The following ATP2C1 variants were observed in gnomAD, a reference collection of about 807,000 sequenced individuals.
ATP2C1 encodes the protein calcium-transporting ATPase type 2C member 1.
Under a neutral mutation model 120.5 loss-of-function variants are expected in ATP2C1, and 31 were observed. The observed-to-expected ratio is 0.26, with a 90% CI of 0.19 to 0.35. ATP2C1 has a LOEUF of 0.35. Among genes scored for constraint, ATP2C1 ranks in the 10% least tolerant of loss-of-function variants. The pLI is 1.00. For synonymous variants in ATP2C1, 351 were observed against 358.7 expected, an observed-to-expected ratio of 0.98 and a Z score of 0.24; for missense variants, 731 against 1,107.5, an observed-to-expected ratio of 0.66 and a Z score of 4.83.
intron 17 of ATP2C1, among the ~76,000 whole-genome samples, chr3:130,974,443 A>T (rs189035397): frequency 5.3e-5 from 8 of 152,318 alleles, no homozygotes; most frequent in Admixed American, 3.3e-4. Context: ...TTCCATTTGG[A>T]AGTGACACAA....
chr3:130,994,786 C>T (rs1274707410), intron 22 of ATP2C1, among the ~76,000 whole-genome samples: 1 of 152,114 alleles, frequency 6.6e-6, no homozygotes, highest in African/African-American at 2.4e-5. Flanking sequence ...TTAGGACTCA[C>T]AGTATTTGCC....
intron 8 of ATP2C1, among the ~76,000 whole-genome samples, chr3:130,944,701 G>A (rs2060063741): frequency 1.3e-5 from 2 of 152,140 alleles, no homozygotes; most frequent in African/African-American, 4.8e-5. Flanking sequence ...ACTTTTTAAA[G>A]ACTAATATTA....
At chr3:130,981,142 C>A (rs1023306914) in intron 20 of ATP2C1, among the ~76,000 whole-genome samples, 1 of 152,134 alleles carries the variant, frequency 6.6e-6, no homozygotes, top group Non-Finnish European at 1.5e-5. Context: ...CCACCACAAT[C>A]AAGATATAGA....
At chr3:130,914,566 G>A (rs1392190790) in intron 2 of ATP2C1, 1 of 152,142 alleles carries the variant, frequency 6.6e-6, no homozygotes, top group Non-Finnish European at 1.5e-5. Flanking sequence ...TCTTTTTTGG[G>A]GGGCAAGGAA....
At chr3:130,872,222 TG>T (rs775653050) in intron 1 of ATP2C1, among the ~76,000 whole-genome samples, 3 of 152,216 alleles carry the variant, frequency 2.0e-5, no homozygotes, top group Non-Finnish European at 2.9e-5. Flanking sequence ...AAAGCCATTA[TG>T]AGGTCTTAAT....
chr3:130,972,339 A>C (rs540972658), intron 17 of ATP2C1, among the ~76,000 whole-genome samples: 1 of 152,152 alleles, frequency 6.6e-6, no homozygotes, highest in South Asian at 2.1e-4. Flanking sequence ...GGCACCTTTG[A>C]GCTAAGCTCT....
intron 1 of ATP2C1, among the ~76,000 whole-genome samples, chr3:130,882,561 T>G (rs1312347310): frequency 6.6e-6 from 1 of 152,210 alleles, no homozygotes; most frequent in African/African-American, 2.4e-5. Flanking sequence ...GTTTTAATCA[T>G]GAACAGATGT....
chr3:130,934,571 G>A (rs750648361), intron 4 of ATP2C1, 51 bp from the exon 5 acceptor site: 4 of 1,180,610 alleles, frequency 3.4e-6, no homozygotes, highest in South Asian at 2.4e-5. Flanking sequence ...TTTGCTGAGA[G>A]AACTGTCATG....
rs200944484 is a variant in ATP2C1 at position 130,940,709 on chromosome 3, G to T, written c.422+18G>T. On this transcript the variant is annotated intron_variant, in intron 7 of 27. Coordinates refer to ENST00000510168, the MANE Select transcript of ATP2C1 (RefSeq NM_001378687.1). ...TGCCATTGGTATGATCCTTTTTTTG[G>T]TATGGATTTCTGCCCCTTTAAAAAT... 6.3e-7 allele frequency: 1 copy of T among 1,593,682 alleles called. No individual in the cohort carries two copies. The highest frequency in any genetic ancestry group is 1.7e-5 in the Admixed American group (1 of 59,944).
At chr3:130,979,140 A>C in intron 18 of ATP2C1, 109 bp from the exon 19 acceptor site, 1 of 1,020,498 alleles carries the variant, frequency 9.8e-7, no homozygotes, top group Non-Finnish European at 1.5e-6. Flanking sequence ...TTATAGTCTT[A>C]AGTGATTTAT....
At chr3:130,948,173 T>G (rs1225918583) in intron 8 of ATP2C1, among the ~76,000 whole-genome samples, 1 of 152,190 alleles carries the variant, frequency 6.6e-6, no homozygotes, top group Non-Finnish European at 1.5e-5. Flanking sequence ...TCATATGGCT[T>G]TGAGTTACTT....
At chr3:130,930,662 A>G in intron 3 of ATP2C1, 136 bp downstream of exon 3, 1 of 712,838 alleles carries the variant, frequency 1.4e-6, no homozygotes, top group Non-Finnish European at 2.6e-6. Context: ...TAGTAGCCAC[A>G]AGTTGAACAG....
At chr3:130,965,902 GATAA>G (rs1200300756) in intron 14 of ATP2C1, among the ~76,000 whole-genome samples, 5 of 151,864 alleles carry the variant, frequency 3.3e-5, no homozygotes, top group Non-Finnish European at 5.9e-5. Context: ...ATAAATACTC[GATAA>G]ATGAATGAAT....
At chr3:130,973,717 C>T (rs1286022212) in intron 17 of ATP2C1, among the ~76,000 whole-genome samples, 1 of 152,046 alleles carries the variant, frequency 6.6e-6, no homozygotes, top group Non-Finnish European at 1.5e-5. Context: ...ACAGAAACTG[C>T]AGGAAATTAA....
chr3:130,954,034 A>G, intron 9 of ATP2C1, 58 bp downstream of exon 9: 5 of 1,588,636 alleles, frequency 3.1e-6, no homozygotes, highest in Admixed American at 1.7e-5. Flanking sequence ...TATTTTCTCA[A>G]TTATTTTTTG....
chr3:130,981,983 A>G (rs2061786181), intron 20 of ATP2C1, among the ~76,000 whole-genome samples: 1 of 152,130 alleles, frequency 6.6e-6, no homozygotes, highest in Non-Finnish European at 1.5e-5. Flanking sequence ...GTTTCTTTCC[A>G]GTTGGTAGTG....
intron 2 of ATP2C1, among the ~76,000 whole-genome samples, chr3:130,904,354 T>C (rs1408148688): frequency 1.3e-5 from 2 of 152,108 alleles, no homozygotes; most frequent in Non-Finnish European, 2.9e-5. Context: ...GTCTTTTTTT[T>C]CTCTCATCTT....
chr3:130,880,353 C>G (rs1426567314), intron 1 of ATP2C1, among the ~76,000 whole-genome samples: 1 of 152,180 alleles, frequency 6.6e-6, no homozygotes, highest in Admixed American at 6.5e-5. Context: ...CCTCAGCTTA[C>G]CTGTTCCCAC....
chr3:130,988,259 C>CT lies in ATP2C1; in HGVS notation c.1840-4683dup, dbSNP rs1253558543. Among the ~76,000 whole-genome samples, 17 of 151,358 alleles carry CT rather than the reference C, an allele frequency of 1.1e-4. No individual in the cohort carries two copies. The South Asian group carries it at 1.5e-3, about 13-fold the overall frequency. ...AATCTCTCCTTTAATATTTTCCTTTCTTTTTTTTTGTAACTTCCTTTCCCT... is the reference window on the plus strand; with the variant it reads ...AATCTCTCCTTTAATATTTTCCTTTCTTTTTTTTTTGTAACTTCCTTTCCCT... On this transcript the variant is annotated intron_variant, in intron 20 of 27. Transcript: ENST00000510168.
Sources: gnomAD v4.1 joint callset for allele counts (sites outside exome capture counted in the v4.1 genomes callset) on GRCh38, gnomAD v4.1.1 for gene constraint, MANE v1.5 for transcripts, NCBI Gene and HGNC (gene_info 2026-07-23, HGNC 2026-07-21) for gene names.